The following THSD1 variants were observed in gnomAD, a reference collection of about 807,000 sequenced individuals.
THSD1 encodes thrombospondin type 1 domain containing 1.
A neutral mutation model predicts 46.3 loss-of-function variants in THSD1; 34 were observed. That is an observed-to-expected ratio of 0.74 (90% CI 0.56 to 0.98). The LOEUF (loss-of-function observed/expected upper bound fraction) is 0.98. Ranked by LOEUF, THSD1 falls within the 50% of genes least tolerant of loss-of-function variation. The pLI is 0.00. For missense variants in THSD1, 1,023 were observed against 1,058.3 expected, an observed-to-expected ratio of 0.97 and a Z score of 0.46; for synonymous variants, 407 against 416.5, an observed-to-expected ratio of 0.98 and a Z score of 0.28.
chr13:52,397,396 GTC>G lies in THSD1; in HGVS notation c.855_856del (p.Arg285SerfsTer6). 1 of 1,614,072 alleles carries G rather than the reference GTC, an allele frequency of 6.2e-7. No individual in the cohort carries two copies. Among genetic ancestry groups the G allele is most frequent in the Non-Finnish European group, 8.5e-7 (1 of 1,180,006 alleles). On this transcript the variant is annotated frameshift_variant, in exon 3 of 5. Transcript: ENST00000258613. LOFTEE classifies it high-confidence loss of function. ...CAGGCTGTTTTCAGCCAAGTGAATG[GTC>G]CTCTTCCCAGGGTATCTGGGGGCCT...
At chr13:52,395,729 C>A (rs1566073881) in intron 3 of THSD1, among the ~76,000 whole-genome samples, 1 of 152,134 alleles carries the variant, frequency 6.6e-6, no homozygotes, top group Non-Finnish European at 1.5e-5. Flanking sequence ...GTCACAGAAT[C>A]AAGGTCAATG....
In THSD1 at chr13:52,397,363, C is replaced by T. The variant is rs368967732; in HGVS notation, c.890G>A (p.Gly297Glu). The T allele has an allele frequency of 5.0e-6, 8 of 1,614,026 alleles. No individual in the cohort carries two copies. The African/African-American group carries it at 8.0e-5, about 16-fold the overall frequency. The change falls in exon 3 of 5, where the codon GGA becomes GAA. Residue 297 changes from glycine (G) to glutamate (E), a missense_variant. Physicochemically the swap from Gly to Glu is moderately conservative, Grantham distance 98. Coordinates refer to ENST00000258613, the MANE Select transcript of THSD1 (RefSeq NM_018676.4). ...ACAGTTAAAAATTGTCCTCCTCTCT[C>T]CCAGGGGCAGGCTGTTTTCAGCCAA... ...IHLAENSLPL[G>E]ERRTIFNCTL... is the part of the protein sequence containing the mutation.
chr13:52,392,190 C>CAA (rs368671089), intron 3 of THSD1, among the ~76,000 whole-genome samples: 34,558 of 69,154 alleles, frequency 0.5, 8,736 homozygotes, highest in Middle Eastern at 0.65. Flanking sequence ...AGACTCCTCT[C>CAA]AAAAAAAAAA....
At chr13:52,385,033 G>T (rs1448812268) in intron 4 of THSD1, among the ~76,000 whole-genome samples, 1 of 152,112 alleles carries the variant, frequency 6.6e-6, no homozygotes, top group Non-Finnish European at 1.5e-5. Flanking sequence ...TAGCAAAAAG[G>T]ATTTTCTAAG....
At chr13:52,398,255 C>A in intron 2 of THSD1, 61 bp from the exon 3 acceptor site, 1 of 1,535,686 alleles carries the variant, frequency 6.5e-7, no homozygotes. Context: ...CTATTAGTGA[C>A]ATTGATGAAA....
intron 4 of THSD1, chr13:52,384,430 A>G (rs1001836572): frequency 2.2e-6 from 1 of 455,820 alleles, no homozygotes; most frequent in African/African-American, 2.0e-5. Context: ...CTCATCTGCA[A>G]TGTGGAAATA....
At chr13:52,381,590 C>G (rs1957692836) in intron 4 of THSD1, among the ~76,000 whole-genome samples, 2 of 152,146 alleles carry the variant, frequency 1.3e-5, no homozygotes, top group South Asian at 4.1e-4. Context: ...GCATCCACAC[C>G]TCTATTTACC....
chr13:52,405,629 G>C (rs1325075810), intron 1 of THSD1, among the ~76,000 whole-genome samples: 1 of 152,108 alleles, frequency 6.6e-6, no homozygotes. Context: ...TACCCCTCGC[G>C]TCGTCAGCTT....
At chr13:52,400,871 G>T (rs936394870) in intron 2 of THSD1, among the ~76,000 whole-genome samples, 1 of 152,140 alleles carries the variant, frequency 6.6e-6, no homozygotes, top group Non-Finnish European at 1.5e-5. Context: ...TTGTTTAAAT[G>T]GAGAATTTCG....
chr13:52,400,096 T>TA (rs57788028), intron 2 of THSD1: 4,564 of 137,438 alleles, frequency 0.033, 150 homozygotes, highest in African/African-American at 0.078. Flanking sequence ...TTGACTGGCT[T>TA]AAAAAAAAAA....
chr13:52,392,881 A>T (rs879636699), intron 3 of THSD1, among the ~76,000 whole-genome samples: 2 of 152,252 alleles, frequency 1.3e-5, no homozygotes, highest in Non-Finnish European at 2.9e-5. Context: ...AGGCTTCCTT[A>T]TATTGAACAA....
intron 2 of THSD1, among the ~76,000 whole-genome samples, chr13:52,401,433 G>A (rs1399634916): frequency 6.6e-6 from 1 of 151,716 alleles, no homozygotes; most frequent in Admixed American, 6.6e-5. Context: ...CGGGTAGCTG[G>A]GACTACAGGC....
rs1566957602 is a variant in THSD1 at position 52,377,638 on chromosome 13, T to C, written c.2332A>G (p.Ile778Val). Residue 778 changes from isoleucine (I) to valine (V), a missense_variant, in exon 5 of 5, where the codon ATA becomes GTA. Ile to Val is a conservative substitution (Grantham distance 29, BLOSUM62 3). Coordinates refer to ENST00000258613, the MANE Select transcript of THSD1 (RefSeq NM_018676.4). The part of the protein sequence containing the change: ...KSVSRKQSSP[I>V]SPKDNYQRVS... ...CTCTGGTAGTTATCTTTGGGGGATA[T>C]GGGAGAAGACTGCTTCCTTGAGACA... The C allele has an allele frequency of 1.2e-6, 2 of 1,610,598 alleles. No individual in the cohort carries two copies. Among genetic ancestry groups the C allele is most frequent in the Non-Finnish European group, 1.7e-6 (2 of 1,177,104 alleles).
chr13:52,397,085 G>A, intron 3 of THSD1, 147 bp downstream of exon 3: 2 of 711,300 alleles, frequency 2.8e-6, no homozygotes, highest in Non-Finnish European at 4.5e-6. Flanking sequence ...TAATTTTTCA[G>A]CTAAGGGTGA....
chr13:52,379,383 A>G (rs532555325), intron 4 of THSD1, among the ~76,000 whole-genome samples: 1 of 152,346 alleles, frequency 6.6e-6, no homozygotes, highest in African/African-American at 2.4e-5. Context: ...CTGGTAAGCC[A>G]TAATCAAGGT....
At chr13:52,403,805 T>C (rs1052723928) in intron 1 of THSD1, among the ~76,000 whole-genome samples, 2 of 151,616 alleles carry the variant, frequency 1.3e-5, no homozygotes, top group Admixed American at 1.3e-4. Flanking sequence ...TTATATAGAC[T>C]ATTCAACTAT....
rs764130480 is a variant in THSD1, at chr13:52,402,594, G to A, written c.7C>T (p.Pro3Ser). 1 of 1,613,750 alleles carries A rather than the reference G, an allele frequency of 6.2e-7. No homozygotes were observed. The highest frequency in any genetic ancestry group is 1.1e-5 in the South Asian group (1 of 91,052). The change falls in exon 2 of 5, where the codon CCA (proline) becomes TCA (serine). Residue 3 changes from proline (P) to serine (S), a missense_variant. Coordinates refer to ENST00000258613, the MANE Select transcript of THSD1 (RefSeq NM_018676.4). ...AGATTTGAAAAGTCTTTCAACATTGGTTTCATTCTGATTGACAAAATCCCA... is the reference window on the plus strand; with the variant it reads ...AGATTTGAAAAGTCTTTCAACATTGATTTCATTCTGATTGACAAAATCCCA... MK[P>S]MLKDFSNLLL...
chr13:52,377,516 G>A lies in THSD1; in HGVS notation c.2454C>T (p.Gly818=), dbSNP rs1043603731. Residue 818 remains glycine (G), a synonymous_variant, in exon 5 of 5, where the codon GGC becomes GGT. Coordinates refer to ENST00000258613, the MANE Select transcript of THSD1 (RefSeq NM_018676.4). The part of the protein sequence containing the change: ...EFAFYDNTSF[G]LTEAEQRMLD... The stretch of plus-strand genomic sequence containing the variant: ...GCATCCTCTGCTCAGCCTCAGTGAG[G>A]CCAAACGACGTATTGTCATAGAAGG... The A allele has an allele frequency of 4.4e-6, 7 of 1,597,534 alleles. No homozygotes were observed. Among genetic ancestry groups the A allele is most frequent in the Non-Finnish European group, 6.0e-6 (7 of 1,166,404 alleles).
chr13:52,389,654 G>C (rs1203072083), intron 3 of THSD1, among the ~76,000 whole-genome samples: 2 of 152,032 alleles, frequency 1.3e-5, no homozygotes, highest in Admixed American at 6.6e-5. Flanking sequence ...CAGGGATAAA[G>C]AGCAACATTA....
Sources: allele counts gnomAD v4.1 joint callset (sites outside exome capture counted in the v4.1 genomes callset), GRCh38; gene constraint gnomAD v4.1.1; transcripts MANE v1.5; gene names NCBI Gene and HGNC (gene_info 2026-07-23, HGNC 2026-07-21).